KLK3: variants seen among roughly 807,000 people sequenced by gnomAD.
KLK3 encodes the protein kallikrein related peptidase 3.
In KLK3, 23 loss-of-function variants were observed where a neutral mutation model predicts 27.7. The observed-to-expected ratio is 0.83, with a 90% CI of 0.60 to 1.17. KLK3 has a LOEUF of 1.17. Ranked by LOEUF, KLK3 falls within the 50% of genes most tolerant of loss-of-function variation. The probability of loss-of-function intolerance (pLI) is 0.00; values close to 1 mark genes in which losing one functional copy is unlikely to be tolerated. For missense variants in KLK3, 322 were observed against 338.1 expected (o/e 0.95, Z 0.37); for synonymous variants, 142 against 134.2 (o/e 1.06, Z -0.40).
Position 50,859,698 on chromosome 19 carries a change from C to T in KLK3, c.631-274C>T, listed in dbSNP as rs575794794. Reference sequence around the variant, plus strand: ...CAGATGGTCCTGGCCCTTGTCCCACCGACCTGTCTACAAGGACTGTCCTCG... The same window carrying T: ...CAGATGGTCCTGGCCCTTGTCCCACTGACCTGTCTACAAGGACTGTCCTCG... On this transcript the variant is annotated intron_variant, in intron 4 of 4. Coordinates refer to ENST00000326003, the MANE Select transcript of KLK3 (RefSeq NM_001648.2). 226 of 1,584,086 alleles carry T rather than the reference C, an allele frequency of 1.4e-4. 2 individuals carry two copies. In the South Asian group the frequency reaches 1.5e-3, roughly 11 times the overall value.
rs149376489 is a variant in KLK3 at position 50,860,090 on chromosome 19, G to A, written c.749G>A (p.Arg250Gln). 2.7e-4 allele frequency: 431 copies of A among 1,613,984 alleles called. No homozygotes were observed. The East Asian group carries it at 7.0e-3, about 26-fold the overall frequency. Residue 250 changes from arginine to glutamine, a missense_variant, in exon 5 of 5, where the codon CGG (arginine) becomes CAG (glutamine). Physicochemically the swap from Arg to Gln is conservative, Grantham distance 43. Coordinates refer to ENST00000326003, the MANE Select transcript of KLK3 (RefSeq NM_001648.2). ...CTGTACACCAAGGTGGTGCATTACC[G>A]GAAGTGGATCAAGGACACCATCGTG... ...PSLYTKVVHY[R>Q]KWIKDTIVAN... is the part of the protein sequence containing the mutation.
Position 50,857,179 on chromosome 19 carries a change from A to AAAAAG in KLK3, c.206+801_206+805dup, listed in dbSNP as rs1174575419. Among the ~76,000 whole-genome samples the AAAAAG allele has an allele frequency of 4.8e-4, 70 of 145,340 alleles. 1 individual carries two copies. Among genetic ancestry groups the AAAAAG allele is most frequent in the African/African-American group, 1.1e-3 (44 of 38,604 alleles). On this transcript the variant is annotated intron_variant, in intron 2 of 4. Transcript: ENST00000326003. The stretch of plus-strand genomic sequence containing the variant: ...CTCCGCCTCAAAAAAAAAAAAAAAA[A>AAAAAG]AAAAGAAAAGAAAAGAAAAGAAAAG...
chr19:50,859,720 C>A, intron 4 of KLK3: 1 of 1,546,664 alleles, frequency 6.5e-7, no homozygotes, highest in South Asian at 1.2e-5. Flanking sequence ...AAGGACTGTC[C>A]TCGTGGACCC....
rs1302400917 is a variant in KLK3 at position 50,858,265 on chromosome 19, T to G, written c.443T>G (p.Leu148Arg). 3.1e-6 allele frequency: 5 copies of G among 1,614,144 alleles called. No individual in the cohort carries two copies. Among genetic ancestry groups the G allele is most frequent in the Non-Finnish European group, 4.2e-6 (5 of 1,180,022 alleles). The change falls in exon 3 of 5, where the codon CTG becomes CGG. Residue 148 changes from leucine to arginine, a missense_variant. By Grantham distance (102) the Leu-to-Arg change is moderately radical. Coordinates refer to ENST00000326003, the MANE Select transcript of KLK3 (RefSeq NM_001648.2). ...GACCTGCCCACCCAGGAGCCAGCAC[T>G]GGGGACCACCTGCTACGCCTCAGGC... ...VMDLPTQEPA[L>R]GTTCYASGWG...
chr19:50,855,589 T>A (rs1419801371), intron 1 of KLK3: 9 of 153,998 alleles, frequency 5.8e-5, no homozygotes, highest in Admixed American at 5.8e-4. Context: ...GAACTCCTCA[T>A]TCCCTGACTC....
At chr19:50,855,233 T>G in intron 1 of KLK3, 4 of 553,590 alleles carry the variant, frequency 7.2e-6, no homozygotes, top group Non-Finnish European at 9.7e-6. Flanking sequence ...TTTCTCCCCA[T>G]TGCCCAGCCA....
chr19:50,860,026 TG>T lies in KLK3; in HGVS notation c.689del (p.Gly230AlafsTer49). 6.2e-7 allele frequency: 1 copy of T among 1,614,140 alleles called. No individual in the cohort carries two copies. Among genetic ancestry groups the T allele is most frequent in the Non-Finnish European group, 8.5e-7 (1 of 1,179,986 alleles). ...CNGVLQGITSWGSEPCALPER... is the reference protein window; with the variant it reads ...CNGVLQGITSXGSEPCALPER... ...TGGTGTGCTTCAAGGTATCACGTCA[TG>T]GGGCAGTGAACCATGTGCCCTGCCC... On this transcript the variant is annotated frameshift_variant, in exon 5 of 5. Transcript: ENST00000326003. LOFTEE classifies it high-confidence loss of function.
chr19:50,855,915 CCCAAATCA>C, intron 1 of KLK3: 2 of 213,844 alleles, frequency 9.4e-6, no homozygotes, highest in Admixed American at 1.1e-4. Flanking sequence ...AGTCCAAGAC[CCCAAATCA>C]CCACAAAGGA....
At chr19:50,855,097 G>A (rs2090138602) in intron 1 of KLK3, 96 bp downstream of exon 1, 2 of 1,297,964 alleles carry the variant, frequency 1.5e-6, no homozygotes, top group African/African-American at 2.9e-5. Flanking sequence ...CCCCAGCCCA[G>A]ACAGGGAGCT....
intron 2 of KLK3, 156 bp from the exon 3 acceptor site, chr19:50,857,873 C>T (rs552338826): frequency 1.2e-5 from 8 of 693,826 alleles, no homozygotes; most frequent in South Asian, 6.0e-5. Context: ...TTTCCCAACT[C>T]GTTGTCTGTA....
intron 4 of KLK3, chr19:50,858,898 C>A: frequency 2.0e-6 from 1 of 508,940 alleles, no homozygotes; most frequent in South Asian, 3.7e-5. Context: ...AGAGCAGCCC[C>A]TCCCTTCTGT....
rs762600618 is a variant in KLK3, at chr19:50,858,579, G to A, written c.614G>A (p.Gly205Asp). 6 of 1,614,166 alleles carry A rather than the reference G, an allele frequency of 3.7e-6. No homozygotes were observed. Among genetic ancestry groups the A allele is most frequent in the Non-Finnish European group, 5.1e-6 (6 of 1,180,030 alleles). ...CTGTGTGCTGGACGCTGGACAGGGGGCAAAAGCACCTGCTCGGTGAGTCAT... is the reference window on the plus strand; with the variant it reads ...CTGTGTGCTGGACGCTGGACAGGGGACAAAAGCACCTGCTCGGTGAGTCAT... Reference protein sequence around the residue: ...FMLCAGRWTGGKSTCSGDSGG... With the variant: ...FMLCAGRWTGDKSTCSGDSGG... The change falls in exon 4 of 5, where the codon GGC (glycine) becomes GAC (aspartate). Residue 205 changes from glycine to aspartate, a missense_variant. By Grantham distance (94) the Gly-to-Asp change is moderately conservative. Transcript: ENST00000326003.
At chr19:50,855,335 T>C (rs937945646) in intron 1 of KLK3, 18 of 386,450 alleles carry the variant, frequency 4.7e-5, no homozygotes, top group Admixed American at 3.1e-4. Flanking sequence ...AGGACCTCTC[T>C]CAATGCCATT....
intron 1 of KLK3, 191 bp downstream of exon 1, chr19:50,855,192 G>C: frequency 1.7e-6 from 1 of 594,488 alleles, no homozygotes; most frequent in East Asian, 2.9e-5. Context: ...TCCCACACCA[G>C]GTCCCCGCTC....
In KLK3 at chr19:50,854,982, C is replaced by A. The variant is rs1211719566; in HGVS notation, c.27C>A (p.Thr9=). 1 of 1,613,738 alleles carries A rather than the reference C, an allele frequency of 6.2e-7. No individual in the cohort carries two copies. Among genetic ancestry groups the A allele is most frequent in the African/African-American group, 1.3e-5 (1 of 74,860 alleles). Residue 9 remains threonine (T), a synonymous_variant, in exon 1 of 5, where the codon ACC becomes ACA. Transcript: ENST00000326003. MWVPVVFL[T]LSVTWIGAAP... is the part of the protein sequence containing the mutation. ...TGTGGGTCCCGGTTGTCTTCCTCAC[C>A]CTGTCCGTGACGTGGATTGGTGAGA...
In KLK3 at chr19:50,855,271, A is replaced by G. The variant is rs551740367; in HGVS notation, c.46+270A>G. On this transcript the variant is annotated intron_variant, in intron 1 of 4. Coordinates refer to ENST00000326003, the MANE Select transcript of KLK3 (RefSeq NM_001648.2). The stretch of plus-strand genomic sequence containing the variant: ...TCCCTGCTCCCAGCTGCTTTACTAA[A>G]GGGGAAGTTCCTGGGCATCTCCGTG... 6 of 530,316 alleles carry G rather than the reference A, an allele frequency of 1.1e-5. No individual in the cohort carries two copies. In the East Asian group the frequency reaches 1.9e-4, roughly 17 times the overall value. 32.9% of individuals were successfully genotyped at this position (530,316 alleles called of 1,614,324 possible). A position where few individuals can be genotyped will look rare whatever the true frequency, so the allele number is the denominator to read the frequency against.
chr19:50,858,800 C>T, intron 4 of KLK3: 1 of 628,778 alleles, frequency 1.6e-6, no homozygotes, highest in Non-Finnish European at 2.8e-6. Context: ...CACAACTCAT[C>T]TGTTCCTGCG....
In KLK3 at chr19:50,859,333, G is replaced by GCC. The variant is rs1568496850; in HGVS notation, c.631-639_631-638insCC. On this transcript the variant is annotated intron_variant, in intron 4 of 4. Transcript: ENST00000326003. ...AAGCAGGACAGGGCCTGGCTCAGGT[G>GCC]TCCAGAGGCTGCCGCTGGCCTCCCT... Among the ~76,000 whole-genome samples the GCC allele has an allele frequency of 6.6e-5, 10 of 151,940 alleles. 1 individual carries two copies. In the South Asian group the frequency reaches 2.1e-3, roughly 32 times the overall value.
At chr19:50,859,354 TC>T (rs1262849006) in intron 4 of KLK3, among the ~76,000 whole-genome samples, 43 of 151,624 alleles carry the variant, frequency 2.8e-4, no homozygotes, top group African/African-American at 1.0e-3. Context: ...GCCGCTGGCC[TC>T]CCTATGGGAT....
Sources: gnomAD v4.1 joint callset for allele counts (sites outside exome capture counted in the v4.1 genomes callset) on GRCh38, gnomAD v4.1.1 for gene constraint, MANE v1.5 for transcripts, NCBI Gene and HGNC (gene_info 2026-07-23, HGNC 2026-07-21) for gene names.